The following FRMPD2 variants were observed in gnomAD, a reference collection of about 807,000 sequenced individuals.
The protein encoded by FRMPD2 is FERM and PDZ domain-containing protein 2.
In FRMPD2, 96 loss-of-function variants were observed where a neutral mutation model predicts 140.1. The ratio of observed to expected loss-of-function variants is 0.69; its 90% confidence interval spans 0.58 to 0.81. The LOEUF (loss-of-function observed/expected upper bound fraction) is 0.81. Among genes scored for constraint, FRMPD2 ranks in the 40% least tolerant of loss-of-function variants. The pLI is 0.00. For missense variants in FRMPD2, 1,240 were observed against 1,447.4 expected, an observed-to-expected ratio of 0.86 and a Z score of 2.32; for synonymous variants, 449 against 547.6, an observed-to-expected ratio of 0.82 and a Z score of 2.52.
intron 1 of FRMPD2, among the ~76,000 whole-genome samples, chr10:48,273,011 C>CA (rs542612050): frequency 9.5e-4 from 145 of 152,294 alleles, no homozygotes; most frequent in African/African-American, 3.3e-3. Flanking sequence ...CTGTGAGAAT[C>CA]AAATGGCTAT....
At chr10:48,183,456 C>G (rs1486824307) in intron 20 of FRMPD2, among the ~76,000 whole-genome samples, 1 of 152,106 alleles carries the variant, frequency 6.6e-6, no homozygotes, top group Non-Finnish European at 1.5e-5. Context: ...TCATTCTTAT[C>G]TAAAGGATGA....
chr10:48,251,658 G>T lies in FRMPD2; in HGVS notation c.59C>A (p.Ala20Asp), dbSNP rs780466578. ...MSLSSVTLAS[A>D]LQVRGEALSE... ...CAGAGCTTCACCCCTGACCTGTAGG[G>T]CGCTGGCCAGCGTCACAGAGGACAG... Residue 20 changes from alanine (A) to aspartate (D), a missense_variant, in exon 2 of 29, where the codon GCC (alanine) becomes GAC (aspartate). Ala to Asp is a moderately radical substitution (Grantham distance 126, BLOSUM62 -2). Coordinates refer to ENST00000374201, the MANE Select transcript of FRMPD2 (RefSeq NM_001018071.4). The T allele has an allele frequency of 6.2e-7, 1 of 1,614,076 alleles. No individual in the cohort carries two copies. Among genetic ancestry groups the T allele is most frequent in the Non-Finnish European group, 8.5e-7 (1 of 1,180,018 alleles).
chr10:48,239,483 T>C lies in FRMPD2; in HGVS notation c.788+122A>G, dbSNP rs1011481615. ...TTCTTCATCTGTTAATGGAATAGCA[T>C]TGGCATTTTCTGGAGGAGCAAGAGG... On this transcript the variant is annotated intron_variant, in intron 7 of 28. Transcript: ENST00000374201. 1.2e-5 allele frequency: 8 copies of C among 643,466 alleles called. No homozygotes were observed. The African/African-American group carries it at 1.3e-4, about 10-fold the overall frequency. 39.9% of individuals were successfully genotyped at this position (643,466 alleles called of 1,614,324 possible).
rs1839078543 is a variant in FRMPD2, at chr10:48,201,247, C to T, written c.1935G>A (p.Gln645=). The T allele has an allele frequency of 8.1e-6, 13 of 1,605,970 alleles. No homozygotes were observed. Among genetic ancestry groups the T allele is most frequent in the Non-Finnish European group, 1.0e-5 (12 of 1,175,844 alleles). ...HGFNAQMGSG[Q]PSHVLFDHDK... ...ACTCACCAAATAAAACATGGGAAGG[C>T]TGCCCAGAGCCCATCTGTGCATTAA... is the stretch of plus-strand genomic sequence containing the variant. The change falls in exon 15 of 29, where the codon CAG becomes CAA. Residue 645 remains glutamine, a synonymous_variant. Coordinates refer to ENST00000374201, the MANE Select transcript of FRMPD2 (RefSeq NM_001018071.4).
At chr10:48,211,919 G>A (rs1839331173) in intron 13 of FRMPD2, 35 bp downstream of exon 13, 2 of 1,601,576 alleles carry the variant, frequency 1.2e-6, no homozygotes, top group South Asian at 1.1e-5. Flanking sequence ...TTCCCTTGAA[G>A]ACCAACACCT....
intron 4 of FRMPD2, among the ~76,000 whole-genome samples, chr10:48,242,716 G>C (rs537354263): frequency 6.6e-6 from 1 of 152,340 alleles, no homozygotes; most frequent in East Asian, 1.9e-4. Context: ...AAGTTCACCT[G>C]CGTAGCTTGT....
chr10:48,211,108 C>A (rs961922035), intron 13 of FRMPD2, among the ~76,000 whole-genome samples: 1 of 152,232 alleles, frequency 6.6e-6, no homozygotes, highest in Non-Finnish European at 1.5e-5. Flanking sequence ...TGTGGGTAGA[C>A]CGCAGTCCTC....
intron 19 of FRMPD2, 22 bp downstream of exon 19, chr10:48,184,752 C>T (rs748983401): frequency 1.3e-6 from 2 of 1,598,490 alleles, no homozygotes; most frequent in Non-Finnish European, 1.7e-6. Flanking sequence ...AACAGCATCT[C>T]TAGTAATTTA....
At chr10:48,272,469 G>C (rs906567654) in intron 1 of FRMPD2, among the ~76,000 whole-genome samples, 2 of 152,142 alleles carry the variant, frequency 1.3e-5, no homozygotes, top group Non-Finnish European at 2.9e-5. Flanking sequence ...GCATTTTACT[G>C]TTGTCTGTGC....
chr10:48,192,808 A>T lies in FRMPD2; in HGVS notation c.2041T>A (p.Cys681Ser). The change falls in exon 16 of 29, where the codon TGC (cysteine) becomes AGC (serine). Residue 681 changes from cysteine to serine, a missense_variant. Physicochemically the swap from Cys to Ser is moderately radical, Grantham distance 112. Coordinates refer to ENST00000374201, the MANE Select transcript of FRMPD2 (RefSeq NM_001018071.4). ...GATACAAACAACTCGTTTTCTGAGC[A>T]TGACAATCTCTGAATCCAAATGAGA... ...KPLIWIQRLS[C>S]SENELFVSRL... 6.2e-7 allele frequency: 1 copy of T among 1,614,156 alleles called. No individual in the cohort carries two copies. The highest frequency in any genetic ancestry group is 1.1e-5 in the South Asian group (1 of 91,080).
At chr10:48,273,676 C>T (rs991344791) in intron 1 of FRMPD2, among the ~76,000 whole-genome samples, 24 of 152,254 alleles carry the variant, frequency 1.6e-4, no homozygotes, top group African/African-American at 5.5e-4. Context: ...CAGCATTCTG[C>T]CCCCCGACCC....
rs769468437 is a variant in FRMPD2, at chr10:48,192,893, G to A, written c.1956C>T (p.Asp652=). The change falls in exon 16 of 29, where the codon GAC becomes GAT. Residue 652 remains aspartate (D), a splice_region_variant and synonymous_variant. Coordinates refer to ENST00000374201, the MANE Select transcript of FRMPD2 (RefSeq NM_001018071.4). ...GSGQPSHVLF[D]HDKFVQMANL... ...TGGCCATTTGCACAAACTTATCATGGTCTGAATTTGGGGAGAAAAACATAG... is the reference window on the plus strand; with the variant it reads ...TGGCCATTTGCACAAACTTATCATGATCTGAATTTGGGGAGAAAAACATAG... 8 of 1,611,826 alleles carry A rather than the reference G, an allele frequency of 5.0e-6. No homozygotes were observed. The Admixed American group carries it at 5.0e-5, about 10-fold the overall frequency.
chr10:48,196,027 T>C (rs1183290174), intron 15 of FRMPD2, among the ~76,000 whole-genome samples: 1 of 151,986 alleles, frequency 6.6e-6, no homozygotes, highest in Admixed American at 6.5e-5. Context: ...AGGATGAGGT[T>C]ACCCTTAAGC....
chr10:48,272,074 C>T (rs1277721919), intron 1 of FRMPD2, among the ~76,000 whole-genome samples: 2 of 152,190 alleles, frequency 1.3e-5, no homozygotes, highest in Non-Finnish European at 2.9e-5. Context: ...GGCTGCACAC[C>T]GCAGCCCTTG....
intron 10 of FRMPD2, among the ~76,000 whole-genome samples, chr10:48,226,887 C>A (rs1439118039): frequency 6.6e-6 from 1 of 152,220 alleles, no homozygotes; most frequent in African/African-American, 2.4e-5. Context: ...TCAGACACAG[C>A]TGGAGCCTGT....
chr10:48,197,331 T>C (rs950580612), intron 15 of FRMPD2, among the ~76,000 whole-genome samples: 2 of 151,994 alleles, frequency 1.3e-5, no homozygotes, highest in Non-Finnish European at 2.9e-5. Context: ...GAGCTAGAAA[T>C]GTTACACGCA....
intron 15 of FRMPD2, among the ~76,000 whole-genome samples, chr10:48,200,478 C>T (rs1839060266): frequency 6.6e-6 from 1 of 152,222 alleles, no homozygotes; most frequent in Admixed American, 6.5e-5. Context: ...CAAACCCTCT[C>T]TTTGTTCTCC....
intron 5 of FRMPD2, among the ~76,000 whole-genome samples, chr10:48,241,034 A>G (rs565945045): frequency 1.7e-4 from 26 of 152,344 alleles, no homozygotes; most frequent in East Asian, 9.6e-4. Flanking sequence ...AGGTCAGTAC[A>G]CTGTCTATCC....
intron 1 of FRMPD2, among the ~76,000 whole-genome samples, chr10:48,253,451 CAG>C (rs1280219708): frequency 6.6e-6 from 1 of 152,048 alleles, no homozygotes; most frequent in Admixed American, 6.5e-5. Context: ...GACCAAAAGG[CAG>C]TTGGATGACG....
Sources: gnomAD v4.1 joint callset for allele counts (sites outside exome capture counted in the v4.1 genomes callset) on GRCh38, gnomAD v4.1.1 for gene constraint, MANE v1.5 for transcripts, NCBI Gene and HGNC (gene_info 2026-07-23, HGNC 2026-07-21) for gene names.